The following TANC2 variants were observed in gnomAD, a reference collection of about 807,000 sequenced individuals.
TANC2 encodes the protein protein TANC2.
Under a neutral mutation model 210.5 loss-of-function variants are expected in TANC2, and 26 were observed. That is an observed-to-expected ratio of 0.12 (90% CI 0.09 to 0.17). TANC2 has a LOEUF of 0.17. Ranked by LOEUF, TANC2 falls within the 10% of genes least tolerant of loss-of-function variation. TANC2 has a pLI of 1.00. For missense variants in TANC2, 2,129 were observed against 2,608.9 expected, an observed-to-expected ratio of 0.82 and a Z score of 4.01; for synonymous variants, 931 against 967.1, an observed-to-expected ratio of 0.96 and a Z score of 0.69.
intron 15 of TANC2, chr17:63,388,149 C>A (rs2147141756): frequency 1.3e-5 from 2 of 152,390 alleles, no homozygotes; most frequent in Middle Eastern, 6.8e-3. Context: ...TGGAGCCAAG[C>A]CTGGACATGA....
intron 8 of TANC2, among the ~76,000 whole-genome samples, chr17:63,252,024 A>C (rs2146162443): frequency 6.6e-6 from 1 of 152,304 alleles, no homozygotes; most frequent in South Asian, 2.1e-4. Context: ...TTTTATTTAA[A>C]TATAAGAAGT....
At position 63,117,254 on chromosome 17, in the gene TANC2, A is replaced by G. The variant is rs2038287218; in HGVS notation, c.322+17897A>G. 2.0e-5 allele frequency: 3 copies of G among 152,164 alleles called. No individual in the cohort carries two copies. In the South Asian group the frequency reaches 6.2e-4, roughly 32 times the overall value. The allele number at this position is 152,164 out of a possible 1,614,324, so 9.4% of individuals were successfully genotyped here. ...CTCTGTTAACGCTGCGCCATTAGAA[A>G]CCTAAGAACCAGTTCTTCCAGTAAT... On this transcript the variant is annotated intron_variant, in intron 4 of 27. Transcript: ENST00000689528.
chr17:63,098,531 A>ATATATATATT, intron 3 of TANC2, among the ~76,000 whole-genome samples: 1 of 146,846 alleles, frequency 6.8e-6, no homozygotes, highest in Non-Finnish European at 1.5e-5. Context: ...ATATATATAT[A>ATATATATATT]TATGTAAAAA....
intron 2 of TANC2, among the ~76,000 whole-genome samples, chr17:63,063,967 C>T (rs1288400480): frequency 1.3e-5 from 2 of 152,042 alleles, no homozygotes; most frequent in Non-Finnish European, 2.9e-5. Flanking sequence ...TTTAAAGATG[C>T]TGGACATCTA....
At position 63,405,210 on chromosome 17, in the gene TANC2, A is replaced by T. The variant is rs373966656; in HGVS notation, c.3420A>T (p.Arg1140=). ...CGGCAGTGGCCCAGCCAAACCGCCG[A>T]GGAGCAGTGCCACTATTCAGCACAG... The change falls in exon 20 of 28, where the codon CGA becomes CGT. Residue 1140 remains arginine, a synonymous_variant. Transcript: ENST00000689528. 3.7e-5 allele frequency: 59 copies of T among 1,608,998 alleles called. No homozygotes were observed. The African/African-American group carries it at 6.7e-4, about 18-fold the overall frequency.
intron 11 of TANC2, among the ~76,000 whole-genome samples, chr17:63,336,108 T>C (rs1407299308): frequency 6.6e-6 from 1 of 152,166 alleles, no homozygotes; most frequent in Non-Finnish European, 1.5e-5. Flanking sequence ...AGAGTTGTTA[T>C]TTATGGTGAG....
intron 4 of TANC2, among the ~76,000 whole-genome samples, chr17:63,121,348 C>T (rs982923450): frequency 7.9e-5 from 12 of 151,958 alleles, no homozygotes; most frequent in Non-Finnish European, 1.8e-4. Context: ...TCATTGTAGG[C>T]ATTAAGAAAA....
intron 9 of TANC2, among the ~76,000 whole-genome samples, chr17:63,305,857 G>C (rs566235516): frequency 9.2e-5 from 14 of 152,344 alleles, no homozygotes; most frequent in African/African-American, 3.4e-4. Context: ...ACAGGAACTG[G>C]ATTGGAGCAG....
intron 9 of TANC2, among the ~76,000 whole-genome samples, chr17:63,268,764 A>G (rs1254837588): frequency 6.6e-6 from 1 of 152,132 alleles, no homozygotes; most frequent in Non-Finnish European, 1.5e-5. Context: ...GGCATGCTAC[A>G]TGCTTCTCCA....
At chr17:63,191,063 G>T (rs1358942744) in intron 5 of TANC2, among the ~76,000 whole-genome samples, 1 of 151,896 alleles carries the variant, frequency 6.6e-6, no homozygotes, top group Non-Finnish European at 1.5e-5. Context: ...CATTTTGCAG[G>T]CAGAGAGGTT....
At chr17:63,164,682 C>T (rs2040148536) in intron 5 of TANC2, among the ~76,000 whole-genome samples, 1 of 152,140 alleles carries the variant, frequency 6.6e-6, no homozygotes, top group Non-Finnish European at 1.5e-5. Flanking sequence ...GCTTGAGAAC[C>T]ATGGTGTAAG....
At chr17:63,278,100 G>C (rs548822832) in intron 9 of TANC2, among the ~76,000 whole-genome samples, 34 of 152,260 alleles carry the variant, frequency 2.2e-4, no homozygotes, top group African/African-American at 8.2e-4. Context: ...CAGCTTCAGT[G>C]AGCTATGATT....
chr17:63,259,539 C>A (rs1455056085), intron 8 of TANC2, among the ~76,000 whole-genome samples: 1 of 152,090 alleles, frequency 6.6e-6, no homozygotes, highest in Non-Finnish European at 1.5e-5. Flanking sequence ...AGGCTTTTTT[C>A]CCTTAATACA....
intron 7 of TANC2, among the ~76,000 whole-genome samples, chr17:63,203,947 ATAAAAG>A (rs2041616409): frequency 6.6e-6 from 1 of 152,196 alleles, no homozygotes; most frequent in Non-Finnish European, 1.5e-5. Context: ...TGATTAAAGA[ATAAAAG>A]TAAATATTTT....
Position 63,025,805 on chromosome 17 carries a change from A to ATTAAATTAAATTAAAT in TANC2, c.67+16180_67+16181insTAAATTAAATTAAATT, listed in dbSNP as rs1491348689. On this transcript the variant is annotated intron_variant, in intron 2 of 27. Transcript: ENST00000689528. Reference sequence around the variant, plus strand: ...AGTGAGACCCTATCTCAAAAATAAAATAAAATAAAATTAAATTAAAATAAA... The same window carrying ATTAAATTAAATTAAAT: ...AGTGAGACCCTATCTCAAAAATAAAATTAAATTAAATTAAATTAAAATAAAATTAAATTAAAATAAA... Among the ~76,000 whole-genome samples, 128 of 119,712 alleles carry ATTAAATTAAATTAAAT rather than the reference A, an allele frequency of 1.1e-3. 2 individuals are homozygous for ATTAAATTAAATTAAAT. Among genetic ancestry groups the ATTAAATTAAATTAAAT allele is most frequent in the African/African-American group, 4.4e-3 (120 of 27,300 alleles). 78.5% of individuals were successfully genotyped at this position (119,712 alleles called of 152,430 possible). A position where few individuals can be genotyped will look rare whatever the true frequency, so the allele number is the denominator to read the frequency against.
chr17:63,038,065 A>G (rs1427533638), intron 2 of TANC2, among the ~76,000 whole-genome samples: 1 of 152,118 alleles, frequency 6.6e-6, no homozygotes, highest in Non-Finnish European at 1.5e-5. Context: ...AATGATGGCT[A>G]AGAGTCGGGG....
chr17:63,247,238 T>A, intron 8 of TANC2, among the ~76,000 whole-genome samples: 1 of 152,232 alleles, frequency 6.6e-6, no homozygotes, highest in East Asian at 1.9e-4. Context: ...GTTTTCTTAC[T>A]GGTATATTAG....
chr17:63,192,204 T>C (rs2041209703), intron 5 of TANC2, among the ~76,000 whole-genome samples: 1 of 152,180 alleles, frequency 6.6e-6, no homozygotes, highest in Admixed American at 6.5e-5. Flanking sequence ...CAAATGATAT[T>C]TTGAGACGAG....
chr17:63,066,302 A>G (rs1206911106), intron 2 of TANC2, among the ~76,000 whole-genome samples: 1 of 151,916 alleles, frequency 6.6e-6, no homozygotes, highest in Non-Finnish European at 1.5e-5. Flanking sequence ...GGTCCCTTGG[A>G]ATGGCCTGGC....
Sources: gnomAD v4.1 joint callset for allele counts (sites outside exome capture counted in the v4.1 genomes callset) on GRCh38, gnomAD v4.1.1 for gene constraint, MANE v1.5 for transcripts, NCBI Gene and HGNC (gene_info 2026-07-23, HGNC 2026-07-21) for gene names.